Variants in HDAC9 observed in about 807,000 individuals in gnomAD.
HDAC9 encodes the protein histone deacetylase 9.
Under a neutral mutation model 139.4 loss-of-function variants are expected in HDAC9, and 41 were observed. The ratio of observed to expected loss-of-function variants is 0.29; its 90% confidence interval spans 0.23 to 0.38. HDAC9 has a LOEUF of 0.38. Ranked by LOEUF, HDAC9 falls within the 10% of genes least tolerant of loss-of-function variation. The pLI is 1.00. For synonymous variants in HDAC9, 517 were observed against 476.2 expected (o/e 1.09, Z -1.12); for missense variants, 1,147 against 1,297.0 (o/e 0.88, Z 1.78).
intron 2 of HDAC9, among the ~76,000 whole-genome samples, chr7:18,258,036 T>A (rs1052342616): frequency 2.0e-5 from 3 of 152,226 alleles, no homozygotes; most frequent in African/African-American, 7.2e-5. Flanking sequence ...AAGCACATAT[T>A]AAAGTATCTA....
intron 1 of HDAC9, among the ~76,000 whole-genome samples, chr7:18,318,535 G>A (rs1799812422): frequency 6.6e-6 from 1 of 152,152 alleles, no homozygotes; most frequent in African/African-American, 2.4e-5. Flanking sequence ...CTGCATTCAT[G>A]GAAAAAGAAG....
chr7:18,622,616 C>T (rs891484769), intron 6 of HDAC9, among the ~76,000 whole-genome samples: 1 of 151,766 alleles, frequency 6.6e-6, no homozygotes, highest in Non-Finnish European at 1.5e-5. Flanking sequence ...GCCACCGTGC[C>T]CGGCCTAAAG....
intron 12 of HDAC9, among the ~76,000 whole-genome samples, chr7:18,700,616 A>G (rs1272031190): frequency 6.6e-6 from 1 of 152,208 alleles, no homozygotes; most frequent in Non-Finnish European, 1.5e-5. Flanking sequence ...AAAACAATAA[A>G]CACGCATTAT....
chr7:18,952,299 C>G (rs1227583160), intron 23 of HDAC9, among the ~76,000 whole-genome samples: 3 of 151,852 alleles, frequency 2.0e-5, no homozygotes, highest in Non-Finnish European at 4.4e-5. Context: ...TCTGTATAAC[C>G]TGAGTCTTTA....
intron 13 of HDAC9, among the ~76,000 whole-genome samples, chr7:18,745,660 C>T (rs1787886412): frequency 6.7e-6 from 1 of 150,202 alleles, no homozygotes; most frequent in African/African-American, 2.4e-5. Context: ...CATTCTCCTG[C>T]CTCAGCCTCC....
At chr7:18,404,093 C>T (rs1787788716) in intron 1 of HDAC9, among the ~76,000 whole-genome samples, 1 of 152,170 alleles carries the variant, frequency 6.6e-6, no homozygotes, top group Non-Finnish European at 1.5e-5. Flanking sequence ...TGACCTTAAT[C>T]AGAAATCAAT....
intron 25 of HDAC9, among the ~76,000 whole-genome samples, chr7:18,983,270 T>C (rs1042497282): frequency 1.3e-5 from 2 of 152,218 alleles, no homozygotes; most frequent in Non-Finnish European, 1.5e-5. Flanking sequence ...TGGTAACATA[T>C]GAAAACATTT....
chr7:18,307,110 TGTGTGTGTG>T (rs1562861039), intron 1 of HDAC9, among the ~76,000 whole-genome samples: 3 of 115,598 alleles, frequency 2.6e-5, no homozygotes, highest in African/African-American at 8.3e-5. Context: ...TGTGTGTGTG[TGTGTGTGTG>T]TGTGTGTGTG....
At chr7:18,872,071 A>G (rs924903885) in intron 21 of HDAC9, among the ~76,000 whole-genome samples, 9 of 152,158 alleles carry the variant, frequency 5.9e-5, no homozygotes, top group Non-Finnish European at 1.3e-4. Flanking sequence ...CACAGCATGC[A>G]TTGCAGCATG....
At chr7:18,642,205 G>C (rs945739311) in intron 8 of HDAC9, among the ~76,000 whole-genome samples, 1 of 152,060 alleles carries the variant, frequency 6.6e-6, no homozygotes, top group East Asian at 1.9e-4. Flanking sequence ...ATCAAGAATT[G>C]TCTCCATGAC....
At position 18,727,608 on chromosome 7, in the gene HDAC9, C is replaced by T. The variant is rs1256526592; in HGVS notation, c.1760C>T (p.Ala587Val). The T allele has an allele frequency of 3.1e-5, 49 of 1,596,532 alleles. No homozygotes were observed. The highest frequency in any genetic ancestry group is 3.9e-5 in the Non-Finnish European group (46 of 1,173,456). ...QPFLEPTHTR[A>V]LSVRQAPLAA... is the part of the protein sequence containing the mutation. ...TTCCTGGAACCCACGCACACACGTGCGCTCTCTGTGCGCCAAGCTCCGCTG... is the reference window on the plus strand; with the variant it reads ...TTCCTGGAACCCACGCACACACGTGTGCTCTCTGTGCGCCAAGCTCCGCTG... The change falls in exon 13 of 26, where the codon GCG becomes GTG. Residue 587 changes from alanine to valine, a missense_variant. By Grantham distance (64) the Ala-to-Val change is moderately conservative. Transcript: ENST00000686413.
chr7:18,160,568 A>G (rs2128126475), intron 1 of HDAC9, among the ~76,000 whole-genome samples: 1 of 152,266 alleles, frequency 6.6e-6, no homozygotes, highest in African/African-American at 2.4e-5. Context: ...TGGCATGTCT[A>G]AAAGCACTTT....
intron 22 of HDAC9, among the ~76,000 whole-genome samples, chr7:18,927,870 C>G (rs578193936): frequency 6.6e-6 from 1 of 152,248 alleles, no homozygotes; most frequent in African/African-American, 2.4e-5. Flanking sequence ...TTGCCAGAAT[C>G]ATTTTTGTTG....
At chr7:18,209,425 C>A (rs1791780058) in intron 2 of HDAC9, among the ~76,000 whole-genome samples, 1 of 152,160 alleles carries the variant, frequency 6.6e-6, no homozygotes, top group Non-Finnish European at 1.5e-5. Context: ...CTTTCTATAG[C>A]CATATCTCTT....
At chr7:18,101,945 A>T (rs1395071388) in intron 1 of HDAC9, among the ~76,000 whole-genome samples, 1 of 152,210 alleles carries the variant, frequency 6.6e-6, no homozygotes, top group South Asian at 2.1e-4. Flanking sequence ...ATAAATTACT[A>T]TATTTTAAAT....
In HDAC9 at chr7:18,127,999, A is replaced by G. The variant is rs189566238; in HGVS notation, c.-96-34230A>G. ...ACTATATTTTCACTTAGTAAAAGGT[A>G]ACACTTTTACAATACAATTTTTATT... On this transcript the variant is annotated intron_variant, in intron 1 of 12. Coordinates refer to the HDAC9 transcript ENST00000417496. Among the ~76,000 whole-genome samples the G allele has an allele frequency of 4.9e-4, 74 of 152,286 alleles. 1 individual carries two copies. Among genetic ancestry groups the G allele is most frequent in the Middle Eastern group, 6.8e-3 (2 of 294 alleles).
intron 25 of HDAC9, among the ~76,000 whole-genome samples, chr7:18,978,962 T>TAACA (rs762654147): frequency 3.3e-5 from 5 of 152,128 alleles, no homozygotes; most frequent in East Asian, 1.9e-4. Flanking sequence ...TTTTTTTAAC[T>TAACA]AACACAAAAA....
chr7:18,155,571 C>G (rs1688679466), intron 1 of HDAC9, among the ~76,000 whole-genome samples: 1 of 152,166 alleles, frequency 6.6e-6, no homozygotes, highest in Admixed American at 6.5e-5. Context: ...TAACTAACCT[C>G]CCAAGCTGCG....
At chr7:18,198,139 C>T (rs1187820567) in intron 2 of HDAC9, among the ~76,000 whole-genome samples, 1 of 152,004 alleles carries the variant, frequency 6.6e-6, no homozygotes, top group African/African-American at 2.4e-5. Context: ...TAATATCAAT[C>T]AAAATACTGT....
Sources: gnomAD v4.1 joint callset for allele counts (sites outside exome capture counted in the v4.1 genomes callset) on GRCh38, gnomAD v4.1.1 for gene constraint, MANE v1.5 for transcripts, NCBI Gene and HGNC (gene_info 2026-07-23, HGNC 2026-07-21) for gene names.